The following TEX264 variants were observed in gnomAD, a reference collection of about 807,000 sequenced individuals.
TEX264 encodes testis expressed 264, ER-phagy receptor.
TEX264 carries 13 observed loss-of-function variants against 23.4 expected under a neutral mutation model. The observed-to-expected ratio is 0.56, with a 90% CI of 0.36 to 0.88. TEX264 has a LOEUF of 0.88. Among genes scored for constraint, TEX264 ranks in the 40% least tolerant of loss-of-function variants. TEX264 has a pLI of 0.01. For synonymous variants in TEX264, 159 were observed against 170.0 expected (o/e 0.94, Z 0.50); for missense variants, 340 against 406.8 (o/e 0.84, Z 1.41).
intron 1 of TEX264, chr3:51,671,892 G>C (rs1173801974): frequency 6.6e-6 from 1 of 152,282 alleles, no homozygotes; most frequent in Non-Finnish European, 1.5e-5. Context: ...CCTTCCCTGA[G>C]GCTCGCTGGC....
rs1356227737 is a variant in TEX264 at position 51,691,233 on chromosome 3, T to A, written c.480+6599T>A. ...CAGGAAGCAGCTGCTGCAGGCACCT[T>A]ATCGGGCCTCTTGTCCACACCCTCA... On this transcript the variant is annotated intron_variant, in intron 3 of 4. Transcript: ENST00000341333. The surrounding 1 kb of genome is among the most constrained non-coding windows in gnomAD (Gnocchi z 4.4). 6.6e-6 allele frequency among the ~76,000 whole-genome samples: 1 copy of A among 152,136 alleles called. No homozygotes were observed.
intron 4 of TEX264, among the ~76,000 whole-genome samples, chr3:51,701,663 C>T (rs926820390): frequency 6.6e-5 from 10 of 151,388 alleles, no homozygotes; most frequent in Admixed American, 6.6e-4. Flanking sequence ...AGACAGTTTT[C>T]CTTTTTTGCC....
chr3:51,690,655 C>G (rs1250412205), intron 3 of TEX264, among the ~76,000 whole-genome samples: 2 of 151,948 alleles, frequency 1.3e-5, no homozygotes, highest in Non-Finnish European at 2.9e-5. Flanking sequence ...GCCAAGCTAA[C>G]ATGGGAAGCT....
chr3:51,678,357 G>A (rs2106916237), intron 2 of TEX264, among the ~76,000 whole-genome samples: 1 of 152,274 alleles, frequency 6.6e-6, no homozygotes, highest in Admixed American at 6.5e-5. Flanking sequence ...TGTGCCTGTG[G>A]GCCCATCCTG....
chr3:51,674,753 G>C (rs1213743518), intron 2 of TEX264, among the ~76,000 whole-genome samples, 191 bp downstream of exon 2: 2 of 152,220 alleles, frequency 1.3e-5, no homozygotes, highest in Non-Finnish European at 2.9e-5. Context: ...CCATTTGTGG[G>C]CTTTCTATTT....
intron 3 of TEX264, among the ~76,000 whole-genome samples, chr3:51,695,920 A>G (rs1354560520): frequency 6.6e-6 from 1 of 152,064 alleles, no homozygotes; most frequent in Non-Finnish European, 1.5e-5. Flanking sequence ...CCAAGTCCCC[A>G]TCTTGTTTCT....
At chr3:51,695,098 C>T (rs1394996139) in intron 3 of TEX264, among the ~76,000 whole-genome samples, 1 of 152,256 alleles carries the variant, frequency 6.6e-6, no homozygotes, top group Non-Finnish European at 1.5e-5. Context: ...TAAAAATGAG[C>T]ATGCATCACT....
intron 1 of TEX264, among the ~76,000 whole-genome samples, chr3:51,672,670 C>G (rs113705051): frequency 2.0e-5 from 3 of 152,292 alleles, no homozygotes; most frequent in African/African-American, 7.2e-5. Context: ...TGGAATCAGA[C>G]TGTCTGGGCT....
intron 2 of TEX264, among the ~76,000 whole-genome samples, chr3:51,679,912 C>T (rs1435279191): frequency 6.6e-6 from 1 of 152,132 alleles, no homozygotes; most frequent in Non-Finnish European, 1.5e-5. Flanking sequence ...TCTCCGTGTG[C>T]CTTTGGGCAT....
At chr3:51,701,348 G>T (rs1371414394) in intron 4 of TEX264, among the ~76,000 whole-genome samples, 2 of 151,208 alleles carry the variant, frequency 1.3e-5, no homozygotes, top group African/African-American at 2.4e-5. Flanking sequence ...CTGCGGCAAG[G>T]TCTGGCTCTA....
chr3:51,687,619 C>T (rs1001152234), intron 3 of TEX264, among the ~76,000 whole-genome samples: 10 of 152,194 alleles, frequency 6.6e-5, no homozygotes, highest in Admixed American at 2.6e-4. Context: ...TGACAGCAGC[C>T]GTCAGCTTTC....
At chr3:51,699,924 G>A (rs1237251675) in intron 4 of TEX264, among the ~76,000 whole-genome samples, 1 of 152,182 alleles carries the variant, frequency 6.6e-6, no homozygotes, top group African/African-American at 2.4e-5. Context: ...CAGGAAAGGA[G>A]TCCCTTGGGT....
At position 51,674,739 on chromosome 3, in the gene TEX264, G is replaced by A. The variant is rs1379352530; in HGVS notation, c.258+177G>A. On this transcript the variant is annotated intron_variant, in intron 2 of 4. Transcript: ENST00000341333. ...GATTTAGCCTGGACTTCTGCTCCCG[G>A]CATCCATTTGTGGGCTTTCTATTTG... 4.6e-5 allele frequency among the ~76,000 whole-genome samples: 7 copies of A among 152,300 alleles called. No homozygotes were observed. The East Asian group carries it at 9.6e-4, about 21-fold the overall frequency.
chr3:51,671,598 G>A (rs1702045543), intron 1 of TEX264: 1 of 155,092 alleles, frequency 6.4e-6, no homozygotes, highest in African/African-American at 2.4e-5. Context: ...CGTCCCCCAA[G>A]GCCGCGCCTC....
At chr3:51,681,819 G>A (rs1193392379) in intron 2 of TEX264, 1 of 152,224 alleles carries the variant, frequency 6.6e-6, no homozygotes, top group African/African-American at 2.4e-5. Flanking sequence ...TGCAAGGTGA[G>A]TGTGTGGGCA....
chr3:51,699,361 G>T, intron 3 of TEX264, 45 bp from the exon 4 acceptor site: 1 of 1,597,186 alleles, frequency 6.3e-7, no homozygotes, highest in Non-Finnish European at 8.6e-7. Flanking sequence ...AAGTGAGTCA[G>T]GGGCCCTGTA....
intron 3 of TEX264, among the ~76,000 whole-genome samples, chr3:51,684,980 C>T (rs1331495352): frequency 1.3e-5 from 2 of 152,266 alleles, no homozygotes; most frequent in Admixed American, 6.5e-5. Context: ...TCTCATCCTG[C>T]TGGAGGCCTG....
intron 3 of TEX264, among the ~76,000 whole-genome samples, chr3:51,694,306 T>C (rs1279336762): frequency 6.6e-6 from 1 of 152,038 alleles, no homozygotes; most frequent in African/African-American, 2.4e-5. Context: ...AATTTTTGTA[T>C]TTGTAGTAGA....
chr3:51,684,684 G>C (rs185249503), intron 3 of TEX264, 50 bp downstream of exon 3: 104 of 1,585,486 alleles, frequency 6.6e-5, no homozygotes, highest in Non-Finnish European at 6.7e-5. Flanking sequence ...AGGCCCCTTG[G>C]GTGGAGCTGA....
Sources: gnomAD v4.1 joint callset for allele counts (sites outside exome capture counted in the v4.1 genomes callset) on GRCh38, gnomAD v4.1.1 for gene constraint, Gnocchi (gnomAD v3.1) non-coding constraint, MANE v1.5 for transcripts, NCBI Gene and HGNC (gene_info 2026-07-23, HGNC 2026-07-21) for gene names.